ARAP2: variants seen among roughly 807,000 people sequenced by gnomAD.
ARAP2 encodes arf-GAP with Rho-GAP domain, ANK repeat and PH domain-containing protein 2.
A neutral mutation model predicts 194.5 loss-of-function variants in ARAP2; 148 were observed. That is an observed-to-expected ratio of 0.76 (90% confidence interval 0.67 to 0.87). The LOEUF is 0.87. ARAP2 is among the 40% of genes least tolerant of loss of function. The pLI is 0.00. For synonymous variants in ARAP2, 695 were observed against 683.5 expected (o/e 1.02, Z -0.26); for missense variants, 2,128 against 1,989.7 (o/e 1.07, Z -1.32).
chr4:36,158,912 A>G, intron 14 of ARAP2, 48 bp from the exon 15 acceptor site: 1 of 1,533,590 alleles, frequency 6.5e-7, no homozygotes, highest in Non-Finnish European at 8.8e-7. Flanking sequence ...AATGTAAACA[A>G]TTTTCCTTTT....
intron 22 of ARAP2, among the ~76,000 whole-genome samples, chr4:36,124,477 G>A (rs1275976630): frequency 6.6e-6 from 1 of 151,692 alleles, no homozygotes; most frequent in African/African-American, 2.4e-5. Context: ...TTCCTCACTG[G>A]ATCAATAGCC....
intron 8 of ARAP2, among the ~76,000 whole-genome samples, chr4:36,183,171 A>G (rs897704019): frequency 6.6e-6 from 1 of 152,198 alleles, no homozygotes; most frequent in Non-Finnish European, 1.5e-5. Flanking sequence ...TGAGTTAAGT[A>G]AAGGGATAGT....
rs554673733 is a variant in ARAP2 at position 36,087,487 on chromosome 4, A to G, written c.4426-4037T>C. On this transcript the variant is annotated intron_variant, in intron 28 of 32. Transcript: ENST00000303965. The stretch of plus-strand genomic sequence containing the variant: ...TTTCAGAGAAGTTCTTGAGACTATC[A>G]CTGCCTACCAGGTTATATAAGTTAG... Among the ~76,000 whole-genome samples the G allele has an allele frequency of 2.0e-5, 3 of 152,202 alleles. No individual in the cohort carries two copies. In the South Asian group the frequency reaches 6.2e-4, roughly 32 times the overall value.
intron 7 of ARAP2, chr4:36,015,685 C>T (rs1487956476): frequency 6.6e-6 from 1 of 152,196 alleles, no homozygotes; most frequent in Non-Finnish European, 1.5e-5. Flanking sequence ...GTGATTTCCA[C>T]CACATTCTAC....
At chr4:36,010,265 T>C (rs1477337522) in intron 9 of ARAP2, among the ~76,000 whole-genome samples, 1 of 148,816 alleles carries the variant, frequency 6.7e-6, no homozygotes, top group Non-Finnish European at 1.5e-5. Flanking sequence ...AGAAAAAATA[T>C]AAATAAATAT....
intron 9 of ARAP2, among the ~76,000 whole-genome samples, chr4:36,009,209 G>A (rs1395079053): frequency 6.6e-6 from 1 of 151,994 alleles, no homozygotes; most frequent in Non-Finnish European, 1.5e-5. Context: ...ATACTCAAAG[G>A]AAAATAAATT....
At position 36,229,102 on chromosome 4, in the gene ARAP2, C is replaced by G; in HGVS notation, c.385G>C (p.Asp129His). 2 of 1,614,006 alleles carry G rather than the reference C, an allele frequency of 1.2e-6. No homozygotes were observed. The highest frequency in any genetic ancestry group is 1.7e-6 in the Non-Finnish European group (2 of 1,179,972). ...CTTCTTTCCACACTTGCATCACTGT[C>G]TTCAAGATTTTTTCTAACAGTCTCC... ...QLETVRKNLEDSDASVERSQY... is the reference protein window; with the variant it reads ...QLETVRKNLEHSDASVERSQY... The change falls in exon 2 of 33, where the codon GAC (aspartate) becomes CAC (histidine). Residue 129 changes from aspartate to histidine, a missense_variant. Transcript: ENST00000303965.
chr4:36,116,910 T>A (rs1721490129), intron 25 of ARAP2, 151 bp downstream of exon 25: 1 of 397,488 alleles, frequency 2.5e-6, no homozygotes, highest in South Asian at 7.0e-5. Context: ...ACAGAATTCC[T>A]GGGGGATATC....
At chr4:36,171,097 T>C (rs558558890) in intron 9 of ARAP2, among the ~76,000 whole-genome samples, 86 of 152,296 alleles carry the variant, frequency 5.6e-4, no homozygotes, top group Admixed American at 1.2e-3. Flanking sequence ...CTCTCGCTTG[T>C]TCACTTATTT....
At chr4:36,111,669 C>T (rs1330690243) in intron 26 of ARAP2, among the ~76,000 whole-genome samples, 1 of 151,970 alleles carries the variant, frequency 6.6e-6, no homozygotes, top group African/African-American at 2.4e-5. Context: ...ATTGTATATA[C>T]TAATTATCAC....
chr4:36,178,610 A>G (rs571893437), intron 8 of ARAP2, among the ~76,000 whole-genome samples: 4 of 152,336 alleles, frequency 2.6e-5, no homozygotes, highest in East Asian at 1.9e-4. Flanking sequence ...GTGACCTTCA[A>G]TTATGAACAA....
intron 19 of ARAP2, among the ~76,000 whole-genome samples, chr4:36,138,304 C>T (rs1727340769): frequency 6.6e-6 from 1 of 151,614 alleles, no homozygotes; most frequent in African/African-American, 2.4e-5. Context: ...TAACTACCAC[C>T]ATGATTAATA....
chr4:36,161,134 CACACACACACAA>C (rs1733808980), intron 12 of ARAP2, among the ~76,000 whole-genome samples: 1 of 119,148 alleles, frequency 8.4e-6, no homozygotes, highest in Non-Finnish European at 1.6e-5. Context: ...GGGTTTAAAA[CACACACACACAA>C]ACACACACAC....
chr4:36,238,875 C>A (rs1210268694), intron 1 of ARAP2, among the ~76,000 whole-genome samples: 3 of 152,108 alleles, frequency 2.0e-5, no homozygotes, highest in African/African-American at 7.2e-5. Context: ...AAGCCAAAAT[C>A]AAATAATCAA....
chr4:36,147,158 ATATATG>A (rs1729822968), intron 19 of ARAP2, 132 bp downstream of exon 19: 1 of 652,580 alleles, frequency 1.5e-6, no homozygotes. Flanking sequence ...AATATATACT[ATATATG>A]TATATTTATA....
intron 2 of ARAP2, among the ~76,000 whole-genome samples, chr4:36,227,452 C>G (rs1578349015): frequency 1.3e-5 from 2 of 152,140 alleles, no homozygotes; most frequent in South Asian, 4.1e-4. Flanking sequence ...CGTTTATGCT[C>G]TAATAGGAGA....
At chr4:36,031,894 C>G (rs976388595) in intron 5 of ARAP2, among the ~76,000 whole-genome samples, 1 of 152,010 alleles carries the variant, frequency 6.6e-6, no homozygotes, top group African/African-American at 2.4e-5. Context: ...GTCTTGAACT[C>G]CTGACCTCAG....
chr4:36,011,517 C>T (rs1034848098), intron 9 of ARAP2, among the ~76,000 whole-genome samples: 1 of 152,104 alleles, frequency 6.6e-6, no homozygotes, highest in African/African-American at 2.4e-5. Context: ...CTTATTTTAT[C>T]ACCAAACTCT....
At chr4:36,111,640 A>T (rs1720010568) in intron 26 of ARAP2, among the ~76,000 whole-genome samples, 1 of 152,014 alleles carries the variant, frequency 6.6e-6, no homozygotes, top group Admixed American at 6.6e-5. Context: ...AATAAGAAAA[A>T]ATCCAATTCA....
Sources: allele counts gnomAD v4.1 joint callset (sites outside exome capture counted in the v4.1 genomes callset), GRCh38; gene constraint gnomAD v4.1.1; transcripts MANE v1.5; gene names NCBI Gene and HGNC (gene_info 2026-07-23, HGNC 2026-07-21).